TAPT1: variants seen among roughly 807,000 people sequenced by gnomAD.
TAPT1 encodes the protein transmembrane anterior posterior transformation protein 1 homolog.
Under a neutral mutation model 65.6 loss-of-function variants are expected in TAPT1, and 28 were observed. The ratio of observed to expected loss-of-function variants is 0.43; its 90% CI spans 0.32 to 0.59. TAPT1 has a LOEUF of 0.59. TAPT1 is among the 20% of genes least tolerant of loss of function. The probability of loss-of-function intolerance (pLI) is 0.09; values close to 1 mark genes in which losing one functional copy is unlikely to be tolerated. For missense variants in TAPT1, 563 were observed against 679.9 expected, an observed-to-expected ratio of 0.83 and a Z score of 1.91; for synonymous variants, 278 against 245.2, an observed-to-expected ratio of 1.13 and a Z score of -1.25.
chr4:16,188,922 A>C (rs1035009985), intron 4 of TAPT1, among the ~76,000 whole-genome samples: 2 of 151,914 alleles, frequency 1.3e-5, no homozygotes, highest in Non-Finnish European at 2.9e-5. Context: ...TGACTCAACC[A>C]AAAAAAGAAA....
At chr4:16,183,317 T>C (rs964177040) in intron 7 of TAPT1, among the ~76,000 whole-genome samples, 1 of 152,180 alleles carries the variant, frequency 6.6e-6, no homozygotes, top group Admixed American at 6.5e-5. Context: ...GTAATTTTTT[T>C]TTTGGTGCTA....
intron 7 of TAPT1, among the ~76,000 whole-genome samples, chr4:16,181,157 T>C (rs1480276602): frequency 6.6e-6 from 1 of 152,272 alleles, no homozygotes; most frequent in Non-Finnish European, 1.5e-5. Context: ...CAGCTAACTG[T>C]GGATCTTAAT....
intron 3 of TAPT1, among the ~76,000 whole-genome samples, chr4:16,192,165 A>G (rs1034113541): frequency 2.6e-5 from 4 of 152,228 alleles, no homozygotes; most frequent in South Asian, 4.1e-4. Flanking sequence ...ATTCACTTGA[A>G]ATTTTGATAG....
Position 16,161,834 on chromosome 4 carries a change from C to T in TAPT1, c.*1474G>A, listed in dbSNP as rs1293246515. 1 of 152,116 alleles carries T rather than the reference C, an allele frequency of 6.6e-6. No homozygotes were observed. The highest frequency in any genetic ancestry group is 2.4e-5 in the African/African-American group (1 of 41,410). 9.4% of individuals were successfully genotyped at this position (152,116 alleles called of 1,614,324 possible). ...TTCATCCAAGAAACAGACAAATCAC[C>T]TAAAAATTGCTTTCTGCCTATGTAT... On this transcript the variant is annotated 3_prime_UTR_variant, in exon 14 of 14. Transcript: ENST00000405303.
chr4:16,187,537 A>G (rs1301614961), intron 5 of TAPT1, among the ~76,000 whole-genome samples: 1 of 152,148 alleles, frequency 6.6e-6, no homozygotes, highest in Non-Finnish European at 1.5e-5. Context: ...GGTATCTTCC[A>G]ACTTGGTTCT....
chr4:16,174,481 T>C (rs1043030429), intron 10 of TAPT1, 189 bp downstream of exon 10: 4 of 672,370 alleles, frequency 5.9e-6, no homozygotes, highest in Non-Finnish European at 1.0e-5. Context: ...AAAGAGCATA[T>C]ACTACTTAAT....
chr4:16,204,338 T>C (rs937944187), intron 2 of TAPT1, among the ~76,000 whole-genome samples: 4 of 152,240 alleles, frequency 2.6e-5, no homozygotes, highest in African/African-American at 9.6e-5. Flanking sequence ...ACAGAAAGCT[T>C]TGCAGAAGAG....
chr4:16,221,556 T>C (rs1751257460), intron 1 of TAPT1, among the ~76,000 whole-genome samples: 1 of 152,326 alleles, frequency 6.6e-6, no homozygotes, highest in Non-Finnish European at 1.5e-5. Flanking sequence ...CAATGTTTAA[T>C]TATCTTCTAA....
chr4:16,226,007 C>T lies in TAPT1; in HGVS notation c.199+252G>A, dbSNP rs1343047948. ...CGGACAGAACTTTCCCGGCCGCAGA[C>T]CCCTTCTAGGGCACACCTGGCCTGG... On this transcript the variant is annotated intron_variant, in intron 1 of 13. Transcript: ENST00000405303. 20 of 1,001,070 alleles carry T rather than the reference C, an allele frequency of 2.0e-5. No homozygotes were observed. The African/African-American group carries it at 3.3e-4, about 17-fold the overall frequency. The allele number at this position is 1,001,070 out of a possible 1,614,324, so 62.0% of individuals were successfully genotyped here.
chr4:16,203,444 T>C (rs896402395), intron 2 of TAPT1, among the ~76,000 whole-genome samples: 1 of 152,126 alleles, frequency 6.6e-6, no homozygotes, highest in Non-Finnish European at 1.5e-5. Context: ...TGCTTGGACA[T>C]AGGGTCTTTA....
Position 16,175,861 on chromosome 4 carries a change from G to A in TAPT1, c.1107+258C>T, listed in dbSNP as rs78417692. ...AAGTCTTTAAACAGATTATGACAGT[G>A]TTAACTGATCAGAATGATTTTGAGT... On this transcript the variant is annotated intron_variant, in intron 9 of 13. Coordinates refer to ENST00000405303, the MANE Select transcript of TAPT1 (RefSeq NM_153365.3). 0.015 allele frequency among the ~76,000 whole-genome samples: 2,221 copies of A among 152,250 alleles called. 63 individuals carry two copies. Among genetic ancestry groups the A allele is most frequent in the African/African-American group, 0.051 (2,117 of 41,552 alleles).
At chr4:16,182,375 T>C (rs1470602170) in intron 7 of TAPT1, among the ~76,000 whole-genome samples, 1 of 152,232 alleles carries the variant, frequency 6.6e-6, no homozygotes, top group Non-Finnish European at 1.5e-5. Flanking sequence ...CTTACATTGA[T>C]TAAAAATTAA....
chr4:16,167,151 C>G (rs1052566173), intron 12 of TAPT1, among the ~76,000 whole-genome samples: 9 of 151,872 alleles, frequency 5.9e-5, no homozygotes, highest in Non-Finnish European at 1.0e-4. Flanking sequence ...CCGCCACCAC[C>G]CCCGGCTATT....
chr4:16,213,092 G>T (rs1048098863), intron 2 of TAPT1, among the ~76,000 whole-genome samples: 16 of 152,184 alleles, frequency 1.1e-4, no homozygotes, highest in African/African-American at 3.9e-4. Flanking sequence ...TTTCAATATA[G>T]CTGAAGCTGA....
chr4:16,207,523 T>C (rs1045488888), intron 2 of TAPT1, among the ~76,000 whole-genome samples: 1 of 152,202 alleles, frequency 6.6e-6, no homozygotes, highest in Non-Finnish European at 1.5e-5. Context: ...ACCCTCACCA[T>C]TCCTCACAGG....
Position 16,226,360 on chromosome 4 carries a change from C to A in TAPT1, c.98G>T (p.Gly33Val). ...CGGGGGCCCCTGTCCGCCGCTGCCG[C>A]CCGGCTGCTCCGCCTCGCCGCGGCC... ...RDGRGEAEQP[G>V]GSGGQGPPPA... Residue 33 changes from glycine to valine, a missense_variant, in exon 1 of 14, where the codon GGC becomes GTC. This residue lies in a region of TAPT1 where 103 missense variants were observed against 89.4 expected (regional missense o/e 1.15). Coordinates refer to ENST00000405303, the MANE Select transcript of TAPT1 (RefSeq NM_153365.3). 1 of 1,112,022 alleles carries A rather than the reference C, an allele frequency of 9.0e-7. No homozygotes were observed. The highest frequency in any genetic ancestry group is 3.9e-4 in the Middle Eastern group (1 of 2,590). The allele number at this position is 1,112,022 out of a possible 1,614,324, so 68.9% of individuals were successfully genotyped here.
At chr4:16,173,863 C>T (rs1748159502) in intron 11 of TAPT1, among the ~76,000 whole-genome samples, 1 of 152,182 alleles carries the variant, frequency 6.6e-6, no homozygotes, top group Non-Finnish European at 1.5e-5. Context: ...ATTTATACTT[C>T]CACCAATATG....
chr4:16,224,670 C>T (rs185059883), intron 1 of TAPT1, among the ~76,000 whole-genome samples: 14 of 152,262 alleles, frequency 9.2e-5, no homozygotes, highest in Admixed American at 6.5e-5. Flanking sequence ...TGACTTCCTG[C>T]AACTATGGGT....
chr4:16,186,462 T>A, intron 7 of TAPT1, 73 bp downstream of exon 7: 1 of 933,442 alleles, frequency 1.1e-6, no homozygotes, highest in Non-Finnish European at 1.6e-6. Flanking sequence ...AGAGAAAATG[T>A]GCCATTAGGA....
Sources: allele counts gnomAD v4.1 joint callset (sites outside exome capture counted in the v4.1 genomes callset), GRCh38; gene constraint gnomAD v4.1.1; regional missense constraint gnomAD v4.1.1; transcripts MANE v1.5; gene names NCBI Gene and HGNC (gene_info 2026-07-23, HGNC 2026-07-21).